Variants in NRG3 observed in about 807,000 individuals in gnomAD.
The protein encoded by NRG3 is pro-neuregulin-3, membrane-bound isoform.
Under a neutral mutation model 66.9 loss-of-function variants are expected in NRG3, and 31 were observed. The observed-to-expected ratio is 0.46, with a 90% CI of 0.35 to 0.63. NRG3 has a LOEUF of 0.63. Among genes scored for constraint, NRG3 ranks in the 20% least tolerant of loss-of-function variants. The probability of loss-of-function intolerance (pLI) is 0.00; values close to 1 mark genes in which losing one functional copy is unlikely to be tolerated. For missense variants in NRG3, 910 were observed against 878.9 expected, an observed-to-expected ratio of 1.04 and a Z score of -0.45; for synonymous variants, 393 against 359.4, an observed-to-expected ratio of 1.09 and a Z score of -1.06.
At chr10:82,700,261 T>C (rs2055761375) in intron 2 of NRG3, among the ~76,000 whole-genome samples, 1 of 152,070 alleles carries the variant, frequency 6.6e-6, no homozygotes, top group African/African-American at 2.4e-5. Context: ...AGCTTGAAAA[T>C]AATGTAAGTC....
At chr10:82,861,166 A>T (rs1448784985) in intron 3 of NRG3, among the ~76,000 whole-genome samples, 1 of 151,792 alleles carries the variant, frequency 6.6e-6, no homozygotes, top group Non-Finnish European at 1.5e-5. Context: ...GTGTGTGTGT[A>T]TTCATGACAA....
chr10:82,684,889 G>T (rs1257970319), intron 2 of NRG3, among the ~76,000 whole-genome samples: 1 of 152,162 alleles, frequency 6.6e-6, no homozygotes, highest in Admixed American at 6.5e-5. Context: ...ATCAAGGGAA[G>T]ATAATTTGGG....
chr10:82,969,054 C>T (rs1851483634), intron 6 of NRG3, among the ~76,000 whole-genome samples: 2 of 152,294 alleles, frequency 1.3e-5, no homozygotes, highest in African/African-American at 4.8e-5. Context: ...AATTATCTCC[C>T]ACCAGGTCCC....
At chr10:82,378,807 G>A (rs953187859) in intron 2 of NRG3, among the ~76,000 whole-genome samples, 2 of 152,000 alleles carry the variant, frequency 1.3e-5, no homozygotes, top group Non-Finnish European at 2.9e-5. Context: ...CAGACCTCAG[G>A]TGATCCACCC....
intron 3 of NRG3, among the ~76,000 whole-genome samples, chr10:82,812,145 G>T (rs1401862085): frequency 6.6e-6 from 1 of 152,116 alleles, no homozygotes; most frequent in African/African-American, 2.4e-5. Flanking sequence ...TGGAGATCTT[G>T]TTGAAATGTA....
chr10:82,949,447 T>C (rs538940448), intron 4 of NRG3, among the ~76,000 whole-genome samples: 4 of 151,960 alleles, frequency 2.6e-5, no homozygotes, highest in Admixed American at 1.3e-4. Context: ...CCCGAGATGA[T>C]AGGAAACAAT....
intron 4 of NRG3, among the ~76,000 whole-genome samples, chr10:82,936,487 A>G (rs1354789385): frequency 6.6e-6 from 1 of 152,172 alleles, no homozygotes; most frequent in East Asian, 1.9e-4. Context: ...TGTTGGTCAA[A>G]TAATACATAT....
chr10:81,957,642 A>G (rs986175357), intron 1 of NRG3, among the ~76,000 whole-genome samples: 9 of 152,168 alleles, frequency 5.9e-5, no homozygotes, highest in African/African-American at 2.2e-4. Context: ...CCTGGCATGT[A>G]CCAGTGATCA....
chr10:82,653,147 A>T (rs574654111), intron 2 of NRG3, among the ~76,000 whole-genome samples: 1 of 152,352 alleles, frequency 6.6e-6, no homozygotes, highest in East Asian at 1.9e-4. Flanking sequence ...GCTGAAACTT[A>T]CATGTTTCAT....
chr10:82,974,044 G>T (rs890364496), intron 7 of NRG3, 129 bp downstream of exon 7: 14 of 1,023,480 alleles, frequency 1.4e-5, no homozygotes, highest in Admixed American at 2.4e-5. Context: ...GTTCTCTGTG[G>T]AGTAAATGCT....
chr10:82,963,408 C>T (rs1850872741), intron 6 of NRG3, among the ~76,000 whole-genome samples: 3 of 152,162 alleles, frequency 2.0e-5, no homozygotes, highest in Admixed American at 1.3e-4. Context: ...AGGCCGGGCG[C>T]GGTGGCTCAC....
intron 1 of NRG3, among the ~76,000 whole-genome samples, chr10:82,075,200 G>C (rs2065024951): frequency 6.6e-6 from 1 of 152,012 alleles, no homozygotes; most frequent in Non-Finnish European, 1.5e-5. Context: ...TTTGCTCTTA[G>C]ATTTTCTTAT....
chr10:82,279,710 AC>A (rs1196683678), intron 1 of NRG3, among the ~76,000 whole-genome samples: 3 of 152,204 alleles, frequency 2.0e-5, no homozygotes, highest in African/African-American at 7.2e-5. Flanking sequence ...CATACCTCAA[AC>A]AAATATGTGA....
At chr10:82,694,179 CAG>C (rs1317265583) in intron 2 of NRG3, among the ~76,000 whole-genome samples, 1 of 152,012 alleles carries the variant, frequency 6.6e-6, no homozygotes, top group Admixed American at 6.6e-5. Context: ...TGCGTTTTTA[CAG>C]AGTGCTGATT....
chr10:82,046,262 TCTC>T (rs756124781), intron 1 of NRG3, among the ~76,000 whole-genome samples: 18,507 of 105,384 alleles, frequency 0.18, 1,911 homozygotes, highest in Middle Eastern at 0.26. Flanking sequence ...GGTTTGTAGT[TCTC>T]CTTGAAGAGG....
intron 1 of NRG3, among the ~76,000 whole-genome samples, chr10:81,922,220 G>T (rs1179752746): frequency 6.6e-6 from 1 of 151,996 alleles, no homozygotes; most frequent in Non-Finnish European, 1.5e-5. Flanking sequence ...CCTTATATTG[G>T]CACTAACTTG....
At chr10:82,377,285 G>T (rs567951948) in intron 2 of NRG3, among the ~76,000 whole-genome samples, 1 of 152,148 alleles carries the variant, frequency 6.6e-6, no homozygotes, top group African/African-American at 2.4e-5. Context: ...TATAGGCAGG[G>T]ACAACAAGGA....
intron 2 of NRG3, among the ~76,000 whole-genome samples, chr10:82,550,415 C>A (rs535688726): frequency 6.6e-6 from 1 of 151,970 alleles, no homozygotes; most frequent in Admixed American, 6.6e-5. Context: ...TACTTCTGCC[C>A]GGCCATTTCA....
intron 2 of NRG3, among the ~76,000 whole-genome samples, chr10:82,513,458 A>G (rs1313211869): frequency 6.6e-6 from 1 of 152,190 alleles, no homozygotes; most frequent in Non-Finnish European, 1.5e-5. Flanking sequence ...TTATATTCCT[A>G]TGGGTTTATA....
Sources: allele counts gnomAD v4.1 joint callset (sites outside exome capture counted in the v4.1 genomes callset), GRCh38; gene constraint gnomAD v4.1.1; transcripts MANE v1.5; gene names NCBI Gene and HGNC (gene_info 2026-07-23, HGNC 2026-07-21).